The following RFTN1 variants were observed in gnomAD, a reference collection of about 807,000 sequenced individuals.
RFTN1 encodes the protein raftlin.
In RFTN1, 26 loss-of-function variants were observed where a neutral mutation model predicts 46.5. The observed-to-expected ratio is 0.56, with a 90% CI of 0.41 to 0.78. The LOEUF is 0.78. RFTN1 is among the 30% of genes least tolerant of loss of function. The probability of loss-of-function intolerance (pLI) is 0.00; values close to 1 mark genes in which losing one functional copy is unlikely to be tolerated. For synonymous variants in RFTN1, 261 were observed against 284.2 expected, an observed-to-expected ratio of 0.92 and a Z score of 0.82; for missense variants, 693 against 718.7, an observed-to-expected ratio of 0.96 and a Z score of 0.41.
At position 16,421,143 on chromosome 3, in the gene RFTN1, A is replaced by T. The variant is rs994525314; in HGVS notation, c.333-11660T>A. ...CATACAAAACAGAAAATCGTAAACA[A>T]CAGAAATGATGAAATAAGCAATATT... On this transcript the variant is annotated intron_variant, in intron 3 of 9. Coordinates refer to ENST00000334133, the MANE Select transcript of RFTN1 (RefSeq NM_015150.2). The surrounding 1 kb of genome is among the most constrained non-coding windows in gnomAD (Gnocchi z 4.6). Among the ~76,000 whole-genome samples, 1 of 152,230 alleles carries T rather than the reference A, an allele frequency of 6.6e-6. No individual in the cohort carries two copies. Among genetic ancestry groups the T allele is most frequent in the Non-Finnish European group, 1.5e-5 (1 of 68,040 alleles).
In RFTN1 at chr3:16,499,834, C is replaced by T. The variant is rs2076682818; in HGVS notation, c.-8-5957G>A. On this transcript the variant is annotated intron_variant, in intron 1 of 9. Transcript: ENST00000334133. The surrounding 1 kb of genome is among the most constrained non-coding windows in gnomAD (Gnocchi z 4.9). ...TGATTATGAATGAAGTGGCTATAAA[C>T]ATTTGTGTAGAGGTTTTTATATGGA... Among the ~76,000 whole-genome samples the T allele has an allele frequency of 6.6e-6, 1 of 152,152 alleles. No individual in the cohort carries two copies. The highest frequency in any genetic ancestry group is 1.5e-5 in the Non-Finnish European group (1 of 68,024).
At position 16,335,012 on chromosome 3, in the gene RFTN1, T is replaced by G. The variant is rs2070711450; in HGVS notation, c.1147-8136A>C. Among the ~76,000 whole-genome samples the G allele has an allele frequency of 6.6e-6, 1 of 152,202 alleles. No individual in the cohort carries two copies. ...AAGCTGGCAATGGTCGGTAACAGAT[T>G]GTCTCCTAAAAGTCTCCACAAAGAA... On this transcript the variant is annotated intron_variant, in intron 7 of 9. Transcript: ENST00000334133. The surrounding 1 kb of genome is among the most constrained non-coding windows in gnomAD (Gnocchi z 4.7).
chr3:16,360,435 C>T (rs1162056995), intron 6 of RFTN1, among the ~76,000 whole-genome samples: 4 of 152,194 alleles, frequency 2.6e-5, no homozygotes, highest in South Asian at 2.1e-4. Context: ...CAAGAGCCAC[C>T]GTTCCAGGCC....
intron 2 of RFTN1, among the ~76,000 whole-genome samples, chr3:16,444,757 C>A (rs563779123): frequency 6.6e-6 from 1 of 152,228 alleles, no homozygotes; most frequent in African/African-American, 2.4e-5. Flanking sequence ...TTTTGAACTT[C>A]GTGGTGGGAG....
At chr3:16,471,376 T>C (rs1449845333) in intron 2 of RFTN1, among the ~76,000 whole-genome samples, 1 of 152,204 alleles carries the variant, frequency 6.6e-6, no homozygotes, top group African/African-American at 2.4e-5. Flanking sequence ...AGAGAAGCTT[T>C]CTTCCAAGGT....
chr3:16,419,297 AG>A (rs2075143045), intron 3 of RFTN1, among the ~76,000 whole-genome samples: 1 of 152,142 alleles, frequency 6.6e-6, no homozygotes, highest in South Asian at 2.1e-4. Flanking sequence ...TTACTGAGAA[AG>A]GACGGTACTC....
In RFTN1 at chr3:16,460,858, C is replaced by T. The variant is rs763842944; in HGVS notation, c.146-26821G>A. 6.6e-6 allele frequency among the ~76,000 whole-genome samples: 1 copy of T among 152,194 alleles called. No individual in the cohort carries two copies. The highest frequency in any genetic ancestry group is 1.5e-5 in the Non-Finnish European group (1 of 68,032). On this transcript the variant is annotated intron_variant, in intron 2 of 9. Transcript: ENST00000334133. The surrounding 1 kb of genome is among the most constrained non-coding windows in gnomAD (Gnocchi z 4.8). Reference sequence around the variant, plus strand: ...GCCCACTCTCTCCCACCTACCCACCCCAGAATTTCTTACCCTTCATAAGGC... The same window carrying T: ...GCCCACTCTCTCCCACCTACCCACCTCAGAATTTCTTACCCTTCATAAGGC...
chr3:16,510,680 G>C (rs1472993523), intron 1 of RFTN1, among the ~76,000 whole-genome samples: 2 of 152,198 alleles, frequency 1.3e-5, no homozygotes, highest in East Asian at 3.8e-4. Context: ...TGGTGAGACT[G>C]TAAAATGGTA....
chr3:16,317,326 T>C lies in RFTN1; in HGVS notation c.1333-94A>G. 7.6e-7 allele frequency: 1 copy of C among 1,314,936 alleles called. No individual in the cohort carries two copies. Among genetic ancestry groups the C allele is most frequent in the East Asian group, 2.4e-5 (1 of 41,936 alleles). 81.5% of individuals were successfully genotyped at this position (1,314,936 alleles called of 1,614,324 possible). On this transcript the variant is annotated intron_variant, in intron 9 of 9. Coordinates refer to ENST00000334133, the MANE Select transcript of RFTN1 (RefSeq NM_015150.2). This position sits in a 1 kb window ranked among gnomAD's most constrained non-coding sequence, Gnocchi z 4.3. ...TTTGCATTCATACCCACACCATGTCTGAGTGAGACATACAATTCCCAGCAT... is the reference window on the plus strand; with the variant it reads ...TTTGCATTCATACCCACACCATGTCCGAGTGAGACATACAATTCCCAGCAT...
At position 16,442,083 on chromosome 3, in the gene RFTN1, A is replaced by G. The variant is rs2125513618; in HGVS notation, c.146-8046T>C. 6.6e-6 allele frequency among the ~76,000 whole-genome samples: 1 copy of G among 152,314 alleles called. No homozygotes were observed. Among genetic ancestry groups the G allele is most frequent in the East Asian group, 1.9e-4 (1 of 5,194 alleles). On this transcript the variant is annotated intron_variant, in intron 2 of 9. Transcript: ENST00000334133. The surrounding 1 kb of genome is among the most constrained non-coding windows in gnomAD (Gnocchi z 4.1). ...TGTTCTAAGGGCTTTAAAAATTTAG[A>G]CTTCTGTCATCTTCTCATTAAACAA...
rs546335908 is a variant in RFTN1, at chr3:16,507,921, G to C, written c.-9+5521C>G. On this transcript the variant is annotated intron_variant, in intron 1 of 9. Coordinates refer to ENST00000334133, the MANE Select transcript of RFTN1 (RefSeq NM_015150.2). This position sits in a 1 kb window ranked among gnomAD's most constrained non-coding sequence, Gnocchi z 7.1. ...TAAAGAATAAATTGTAACCCTCAAGGAGGTCTGCCTATGGAACAACACGAC... is the reference window on the plus strand; with the variant it reads ...TAAAGAATAAATTGTAACCCTCAAGCAGGTCTGCCTATGGAACAACACGAC... 6.6e-6 allele frequency among the ~76,000 whole-genome samples: 1 copy of C among 152,136 alleles called. No homozygotes were observed. The highest frequency in any genetic ancestry group is 1.5e-5 in the Non-Finnish European group (1 of 68,018).
intron 9 of RFTN1, among the ~76,000 whole-genome samples, chr3:16,318,059 G>T (rs1028723947): frequency 1.5e-4 from 23 of 152,146 alleles, no homozygotes; most frequent in African/African-American, 5.6e-4. Flanking sequence ...AGCATTTCCT[G>T]GTGTGACAGG....
rs1228035196 is a variant in RFTN1, at chr3:16,480,487, T to C, written c.145+13238A>G. Among the ~76,000 whole-genome samples the C allele has an allele frequency of 3.3e-5, 5 of 152,210 alleles. No individual in the cohort carries two copies. The highest frequency in any genetic ancestry group is 1.2e-4 in the African/African-American group (5 of 41,442). ...ACTCCTTGCCCATGTAATTTTTACT[T>C]ATCAGGAGCCCTGACCTGTAAACAA... On this transcript the variant is annotated intron_variant, in intron 2 of 9. Coordinates refer to ENST00000334133, the MANE Select transcript of RFTN1 (RefSeq NM_015150.2). This position sits in a 1 kb window ranked among gnomAD's most constrained non-coding sequence, Gnocchi z 4.3.
rs193299735 is a variant in RFTN1 at position 16,353,850 on chromosome 3, C to T, written c.1146+4082G>A. ...GCCCTCACCAGAAACCAAACCCTCC[C>T]AGAACCTTGATCTTGGACTTTTCAG... is the stretch of plus-strand genomic sequence containing the variant. On this transcript the variant is annotated intron_variant, in intron 7 of 9. Transcript: ENST00000334133. The surrounding 1 kb of genome is among the most constrained non-coding windows in gnomAD (Gnocchi z 5.4). Among the ~76,000 whole-genome samples the T allele has an allele frequency of 3.6e-3, 549 of 152,274 alleles. 2 individuals are homozygous for T. Among genetic ancestry groups the T allele is most frequent in the African/African-American group, 0.012 (516 of 41,548 alleles).
At position 16,457,448 on chromosome 3, in the gene RFTN1, A is replaced by G. The variant is rs1412071962; in HGVS notation, c.146-23411T>C. Among the ~76,000 whole-genome samples the G allele has an allele frequency of 6.6e-6, 1 of 152,216 alleles. No individual in the cohort carries two copies. Among genetic ancestry groups the G allele is most frequent in the Non-Finnish European group, 1.5e-5 (1 of 68,038 alleles). ...ATGAAGGGTTACATTTCTAGAACATAGTAGTACTCAATAAATGCCGGTTAT... is the reference window on the plus strand; with the variant it reads ...ATGAAGGGTTACATTTCTAGAACATGGTAGTACTCAATAAATGCCGGTTAT... On this transcript the variant is annotated intron_variant, in intron 2 of 9. Coordinates refer to ENST00000334133, the MANE Select transcript of RFTN1 (RefSeq NM_015150.2). The surrounding 1 kb of genome is among the most constrained non-coding windows in gnomAD (Gnocchi z 4.2).
chr3:16,397,781 CCTCTCTCT>C (rs199626819), intron 4 of RFTN1, among the ~76,000 whole-genome samples: 1 of 108,306 alleles, frequency 9.2e-6, no homozygotes, highest in African/African-American at 2.8e-5. Flanking sequence ...GGTCTCTCTC[CCTCTCTCT>C]CTCTCTTTCT....
At position 16,345,596 on chromosome 3, in the gene RFTN1, C is replaced by T. The variant is rs535338162; in HGVS notation, c.1146+12336G>A. The stretch of plus-strand genomic sequence containing the variant: ...CACCGCCTGACTGCTTGAACAGGAA[C>T]GTCCATCTTCTGCCCTTGTTGCTCC... On this transcript the variant is annotated intron_variant, in intron 7 of 9. Coordinates refer to ENST00000334133, the MANE Select transcript of RFTN1 (RefSeq NM_015150.2). This position sits in a 1 kb window ranked among gnomAD's most constrained non-coding sequence, Gnocchi z 5.2. 2.0e-5 allele frequency among the ~76,000 whole-genome samples: 3 copies of T among 152,182 alleles called. No individual in the cohort carries two copies. Among genetic ancestry groups the T allele is most frequent in the Non-Finnish European group, 4.4e-5 (3 of 67,992 alleles).
intron 3 of RFTN1, among the ~76,000 whole-genome samples, chr3:16,419,571 C>G (rs2075148464): frequency 6.6e-6 from 1 of 152,100 alleles, no homozygotes. Context: ...GCTCCCAGTA[C>G]AATAGGGAAA....
intron 4 of RFTN1, among the ~76,000 whole-genome samples, chr3:16,403,839 AATATAAT>A (rs1388869010): frequency 1.4e-4 from 1 of 7,326 alleles, no homozygotes; most frequent in Non-Finnish European, 2.1e-4. Context: ...ATATAAATAT[AATATAAT>A]ATATATTTTA....
Sources: gnomAD v4.1 joint callset for allele counts (sites outside exome capture counted in the v4.1 genomes callset) on GRCh38, gnomAD v4.1.1 for gene constraint, Gnocchi (gnomAD v3.1) non-coding constraint, MANE v1.5 for transcripts, NCBI Gene and HGNC (gene_info 2026-07-23, HGNC 2026-07-21) for gene names.